Variants in FRMD4A observed in about 807,000 individuals in gnomAD.
The protein encoded by FRMD4A is FERM domain containing 4A.
A neutral mutation model predicts 129.1 loss-of-function variants in FRMD4A; 29 were observed. The ratio of observed to expected loss-of-function variants is 0.22; its 90% CI spans 0.17 to 0.31. FRMD4A has a LOEUF of 0.31. Among genes scored for constraint, FRMD4A ranks in the 10% least tolerant of loss-of-function variants. The pLI, the probability that FRMD4A is intolerant of heterozygous loss-of-function variation, is 1.00. For missense variants in FRMD4A, 1,272 were observed against 1,375.8 expected (o/e 0.92, Z 1.19); for synonymous variants, 634 against 571.6 (o/e 1.11, Z -1.56).
intron 2 of FRMD4A, among the ~76,000 whole-genome samples, chr10:13,881,143 TGTG>T (rs1240463221): frequency 6.6e-6 from 1 of 151,402 alleles, no homozygotes; most frequent in Non-Finnish European, 1.5e-5. Context: ...GAGGGCTGGG[TGTG>T]GTGGTTCACA....
chr10:13,892,444 A>G (rs2094711736), intron 2 of FRMD4A, among the ~76,000 whole-genome samples: 2 of 152,304 alleles, frequency 1.3e-5, no homozygotes, highest in South Asian at 4.1e-4. Context: ...GACCCGGGGT[A>G]GGAAAACGGG....
At chr10:13,933,844 CA>C (rs1253288527) in intron 2 of FRMD4A, among the ~76,000 whole-genome samples, 1 of 152,090 alleles carries the variant, frequency 6.6e-6, no homozygotes, top group Non-Finnish European at 1.5e-5. Flanking sequence ...GCTAGGGGAG[CA>C]GGGGGCAGGT....
intron 3 of FRMD4A, among the ~76,000 whole-genome samples, chr10:13,856,019 T>TATCTATCTATC (rs1162819804): frequency 1.1e-3 from 113 of 102,098 alleles, no homozygotes; most frequent in African/African-American, 3.6e-3. Context: ...AAATACTATC[T>TATCTATCTATC]ATCTATCTAT....
chr10:14,032,533 G>A (rs552000993), intron 2 of FRMD4A, among the ~76,000 whole-genome samples: 69 of 152,292 alleles, frequency 4.5e-4, no homozygotes, highest in African/African-American at 1.6e-3. Flanking sequence ...ACGGTGAACC[G>A]CAAGTAGCGC....
chr10:14,097,378 G>A lies in FRMD4A; in HGVS notation c.45+232680C>T, dbSNP rs143399913. Among the ~76,000 whole-genome samples, 541 of 152,190 alleles carry A rather than the reference G, an allele frequency of 3.6e-3. 5 individuals are homozygous for A. Among genetic ancestry groups the A allele is most frequent in the African/African-American group, 0.011 (453 of 41,524 alleles). ...AAGGAAGTAAGAAATAATAATTATTGTGATGATAATAAAGTAGCTCATATT... is the reference window on the plus strand; with the variant it reads ...AAGGAAGTAAGAAATAATAATTATTATGATGATAATAAAGTAGCTCATATT... On this transcript the variant is annotated intron_variant, in intron 2 of 24. Transcript: ENST00000357447.
intron 2 of FRMD4A, among the ~76,000 whole-genome samples, chr10:14,296,186 C>A (rs544924859): frequency 6.6e-6 from 1 of 152,242 alleles, no homozygotes; most frequent in South Asian, 2.1e-4. Context: ...AGCCCTTTAT[C>A]GGGTGAGAAT....
chr10:14,172,079 C>T (rs1233120642), intron 2 of FRMD4A, among the ~76,000 whole-genome samples: 1 of 152,168 alleles, frequency 6.6e-6, no homozygotes, highest in Admixed American at 6.5e-5. Context: ...CTTGTTCCCT[C>T]AGTCATGATG....
chr10:14,057,686 T>C (rs992815552), intron 2 of FRMD4A, among the ~76,000 whole-genome samples: 2 of 152,106 alleles, frequency 1.3e-5, no homozygotes, highest in Non-Finnish European at 2.9e-5. Flanking sequence ...TTCTCCAGCC[T>C]CAGCCTCCCA....
chr10:14,113,526 A>G (rs1248319764), intron 2 of FRMD4A, among the ~76,000 whole-genome samples: 1 of 152,226 alleles, frequency 6.6e-6, no homozygotes, highest in Admixed American at 6.5e-5. Context: ...CTTCTGGTGA[A>G]GATCAACAGT....
Position 14,330,914 on chromosome 10 carries a change from C to T in FRMD4A, c.-399G>A, listed in dbSNP as rs1290866804. The stretch of plus-strand genomic sequence containing the variant: ...CTCCCTGGCTGTACCACATGTACGC[C>T]GCATACAGACACACTCTACCTCTCT... On this transcript the variant is annotated 5_prime_UTR_variant, in exon 1 of 25. Coordinates refer to ENST00000357447, the MANE Select transcript of FRMD4A (RefSeq NM_018027.5). 5.0e-6 allele frequency: 2 copies of T among 398,442 alleles called. No homozygotes were observed. The highest frequency in any genetic ancestry group is 2.1e-5 in the African/African-American group (1 of 48,586). 24.7% of individuals were successfully genotyped at this position (398,442 alleles called of 1,614,324 possible). A position where few individuals can be genotyped will look rare whatever the true frequency, so the allele number is the denominator to read the frequency against.
chr10:14,198,052 C>T (rs1024717332), intron 2 of FRMD4A, among the ~76,000 whole-genome samples: 1 of 152,198 alleles, frequency 6.6e-6, no homozygotes, highest in Admixed American at 6.5e-5. Flanking sequence ...AAAGCACATC[C>T]TAGTAGGAAA....
chr10:13,925,062 TAA>T (rs57484737), intron 2 of FRMD4A, among the ~76,000 whole-genome samples: 27 of 103,198 alleles, frequency 2.6e-4, no homozygotes, highest in Admixed American at 3.4e-4. Context: ...AGACTCCGTG[TAA>T]AAAAAAAAAA....
chr10:14,126,770 G>A (rs1473429127), intron 2 of FRMD4A, among the ~76,000 whole-genome samples: 1 of 152,160 alleles, frequency 6.6e-6, no homozygotes, highest in Non-Finnish European at 1.5e-5. Flanking sequence ...CAAAATGTGG[G>A]TCTTATAGGA....
At chr10:13,799,729 G>T (rs2093211037) in intron 4 of FRMD4A, among the ~76,000 whole-genome samples, 1 of 152,034 alleles carries the variant, frequency 6.6e-6, no homozygotes, top group Non-Finnish European at 1.5e-5. Flanking sequence ...TTATCTGAAT[G>T]TTTAGCCATT....
chr10:13,802,646 G>GT (rs897669487), intron 4 of FRMD4A, among the ~76,000 whole-genome samples: 78 of 151,724 alleles, frequency 5.1e-4, no homozygotes, highest in African/African-American at 1.9e-3. Context: ...TTTTGTTTTT[G>GT]TTTTTTTGGT....
At chr10:14,260,187 C>G (rs1032627275) in intron 2 of FRMD4A, among the ~76,000 whole-genome samples, 3 of 152,068 alleles carry the variant, frequency 2.0e-5, no homozygotes, top group Admixed American at 6.6e-5. Flanking sequence ...GGCTCCAGAC[C>G]CCAGCATGCC....
At chr10:14,223,466 G>T (rs1043774687) in intron 2 of FRMD4A, among the ~76,000 whole-genome samples, 7 of 152,144 alleles carry the variant, frequency 4.6e-5, no homozygotes, top group African/African-American at 1.2e-4. Context: ...TAGGGGCTGG[G>T]TATGGTGACT....
At chr10:13,822,530 G>T (rs1235414030) in intron 3 of FRMD4A, among the ~76,000 whole-genome samples, 4 of 152,162 alleles carry the variant, frequency 2.6e-5, no homozygotes, top group African/African-American at 9.7e-5. Context: ...TGGTAGAATG[G>T]GACAGAATAA....
chr10:14,219,461 G>A (rs1843177828), intron 2 of FRMD4A, among the ~76,000 whole-genome samples: 1 of 152,174 alleles, frequency 6.6e-6, no homozygotes, highest in South Asian at 2.1e-4. Flanking sequence ...AATTTGCAAA[G>A]TAATATAACT....
Sources: gnomAD v4.1 joint callset for allele counts (sites outside exome capture counted in the v4.1 genomes callset) on GRCh38, gnomAD v4.1.1 for gene constraint, MANE v1.5 for transcripts, NCBI Gene and HGNC (gene_info 2026-07-23, HGNC 2026-07-21) for gene names.